The following SMAP1 variants were observed in gnomAD, a reference collection of about 807,000 sequenced individuals.
The protein encoded by SMAP1 is small ArfGAP 1.
In SMAP1, 24 loss-of-function variants were observed where a neutral mutation model predicts 58.5. The observed-to-expected ratio is 0.41, with a 90% CI of 0.30 to 0.58. The LOEUF (loss-of-function observed/expected upper bound fraction) is 0.58, where lower values mean the gene tolerates loss of function less well. Among genes scored for constraint, SMAP1 ranks in the 20% least tolerant of loss-of-function variants. SMAP1 has a pLI of 0.29. For synonymous variants in SMAP1, 216 were observed against 196.6 expected (o/e 1.10, Z -0.82); for missense variants, 563 against 566.3 (o/e 0.99, Z 0.06).
At chr6:70,858,290 T>G in intron 10 of SMAP1, 61 bp downstream of exon 10, 3 of 408,386 alleles carry the variant, frequency 7.3e-6, no homozygotes, top group Non-Finnish European at 1.0e-5. Flanking sequence ...TCTAAATCTT[T>G]TTTTTTTTTT....
At chr6:70,673,512 G>A (rs1332914725) in intron 1 of SMAP1, among the ~76,000 whole-genome samples, 2 of 152,190 alleles carry the variant, frequency 1.3e-5, no homozygotes, top group African/African-American at 4.8e-5. Context: ...GCCAATCCAA[G>A]AGTTCATGTT....
At chr6:70,849,246 C>A (rs1021451229) in intron 7 of SMAP1, among the ~76,000 whole-genome samples, 8 of 152,096 alleles carry the variant, frequency 5.3e-5, no homozygotes, top group African/African-American at 1.7e-4. Context: ...GATTGCTGTC[C>A]CTAAGCAGGT....
intron 3 of SMAP1, chr6:70,759,977 T>C (rs1408429548): frequency 6.0e-6 from 2 of 334,178 alleles, no homozygotes; most frequent in Non-Finnish European, 1.2e-5. Context: ...ATATTTTCTT[T>C]TGTGGGGAGT....
At chr6:70,824,505 GTT>G in intron 6 of SMAP1, among the ~76,000 whole-genome samples, 1 of 151,924 alleles carries the variant, frequency 6.6e-6, no homozygotes, top group South Asian at 2.1e-4. Flanking sequence ...GTATGTTTTT[GTT>G]ACTTAATGTT....
intron 1 of SMAP1, among the ~76,000 whole-genome samples, chr6:70,676,370 C>T (rs1029810044): frequency 6.6e-6 from 1 of 152,050 alleles, no homozygotes; most frequent in African/African-American, 2.4e-5. Context: ...TATAACCTAG[C>T]CTGCTAATAA....
chr6:70,733,250 A>C (rs951223029), intron 2 of SMAP1, among the ~76,000 whole-genome samples: 2 of 152,236 alleles, frequency 1.3e-5, no homozygotes, highest in African/African-American at 4.8e-5. Flanking sequence ...TACATCTCAG[A>C]ATCTTAACCC....
intron 3 of SMAP1, among the ~76,000 whole-genome samples, chr6:70,760,833 C>T (rs1766717585): frequency 6.6e-6 from 1 of 152,026 alleles, no homozygotes; most frequent in South Asian, 2.1e-4. Flanking sequence ...AAAAGTTATG[C>T]AAAAGCTGCT....
At chr6:70,764,950 A>G (rs1766903888) in intron 3 of SMAP1, among the ~76,000 whole-genome samples, 1 of 152,032 alleles carries the variant, frequency 6.6e-6, no homozygotes. Flanking sequence ...CAGGCACACC[A>G]CTACCACACC....
intron 4 of SMAP1, among the ~76,000 whole-genome samples, chr6:70,784,032 A>G (rs1480181489): frequency 6.6e-6 from 1 of 152,112 alleles, no homozygotes; most frequent in Admixed American, 6.5e-5. Flanking sequence ...GCAGGAAAAA[A>G]TGTTAAGGGC....
intron 1 of SMAP1, among the ~76,000 whole-genome samples, chr6:70,725,594 T>C (rs564509368): frequency 6.6e-6 from 1 of 152,278 alleles, no homozygotes; most frequent in African/African-American, 2.4e-5. Flanking sequence ...TTTTGACATA[T>C]GTAGTTTCTC....
chr6:70,769,957 A>G (rs1232743875), intron 3 of SMAP1, among the ~76,000 whole-genome samples: 3 of 151,600 alleles, frequency 2.0e-5, no homozygotes, highest in East Asian at 1.9e-4. Context: ...GGTGGTGACA[A>G]AATCTCTCAG....
Position 70,812,363 on chromosome 6 carries a change from T to C in SMAP1, c.576+13626T>C, listed in dbSNP as rs1332831374. On this transcript the variant is annotated intron_variant, in intron 6 of 10. Coordinates refer to ENST00000370455, the MANE Select transcript of SMAP1 (RefSeq NM_001044305.3). Reference sequence around the variant, plus strand: ...AATCACACATCTTTTTATCTAATTCTTATTTGATTAGAATTATCTGCATTT... The same window carrying C: ...AATCACACATCTTTTTATCTAATTCCTATTTGATTAGAATTATCTGCATTT... 2.0e-5 allele frequency among the ~76,000 whole-genome samples: 3 copies of C among 152,220 alleles called. No individual in the cohort carries two copies. The East Asian group carries it at 5.8e-4, about 29-fold the overall frequency.
intron 6 of SMAP1, among the ~76,000 whole-genome samples, chr6:70,802,298 A>G (rs1768896749): frequency 6.6e-6 from 1 of 152,272 alleles, no homozygotes; most frequent in African/African-American, 2.4e-5. Context: ...GAATTCACTC[A>G]TGATTTGGCT....
Position 70,703,385 on chromosome 6 carries a change from A to G in SMAP1, c.119-28993A>G, listed in dbSNP as rs139228242. ...CACCACGCTCAGCCAGCATTTTTCAATTGAATGCTAGATATGGGAATTGTA... is the reference window on the plus strand; with the variant it reads ...CACCACGCTCAGCCAGCATTTTTCAGTTGAATGCTAGATATGGGAATTGTA... On this transcript the variant is annotated intron_variant, in intron 1 of 10. Coordinates refer to ENST00000370455, the MANE Select transcript of SMAP1 (RefSeq NM_001044305.3). Among the ~76,000 whole-genome samples, 1,005 of 152,216 alleles carry G rather than the reference A, an allele frequency of 6.6e-3. 7 individuals carry two copies. Among genetic ancestry groups the G allele is most frequent in the African/African-American group, 0.022 (929 of 41,538 alleles).
chr6:70,731,378 TCA>T (rs1356098902), intron 1 of SMAP1, among the ~76,000 whole-genome samples: 1 of 152,246 alleles, frequency 6.6e-6, no homozygotes, highest in Non-Finnish European at 1.5e-5. Context: ...GCAGTGTTTT[TCA>T]GAACTTTTTG....
At chr6:70,757,727 C>T (rs931627463) in intron 3 of SMAP1, among the ~76,000 whole-genome samples, 2 of 152,158 alleles carry the variant, frequency 1.3e-5, no homozygotes, top group African/African-American at 2.4e-5. Flanking sequence ...ACAGACACTT[C>T]TCAAAAGAAG....
At chr6:70,703,987 A>G (rs934652318) in intron 1 of SMAP1, among the ~76,000 whole-genome samples, 3 of 152,044 alleles carry the variant, frequency 2.0e-5, no homozygotes, top group Non-Finnish European at 4.4e-5. Context: ...TGTGTTATAT[A>G]TTTTGTTTGG....
rs150663891 is a variant in SMAP1 at position 70,771,849 on chromosome 6, C to T, written c.339-1501C>T. Among the ~76,000 whole-genome samples, 1,263 of 152,266 alleles carry T rather than the reference C, an allele frequency of 8.3e-3. 19 individuals carry two copies. The highest frequency in any genetic ancestry group is 0.029 in the African/African-American group (1,200 of 41,544). On this transcript the variant is annotated intron_variant, in intron 3 of 10. Transcript: ENST00000370455. ...AATCACCCATCTTCTGCGTCGCTCA[C>T]GCTGGGAGCTGTAGACCGGAGCTGT...
At chr6:70,837,692 C>G in intron 7 of SMAP1, 1 of 478,588 alleles carries the variant, frequency 2.1e-6, no homozygotes, top group Non-Finnish European at 2.6e-6. Flanking sequence ...ACATTTTTTT[C>G]TTCTAAAAGA....
Sources: gnomAD v4.1 joint callset for allele counts (sites outside exome capture counted in the v4.1 genomes callset) on GRCh38, gnomAD v4.1.1 for gene constraint, MANE v1.5 for transcripts, NCBI Gene and HGNC (gene_info 2026-07-23, HGNC 2026-07-21) for gene names.